PEAK1: variants seen among roughly 807,000 people sequenced by gnomAD.
PEAK1 encodes the protein pseudopodium enriched atypical kinase 1, also known as inactive tyrosine-protein kinase PEAK1.
A neutral mutation model predicts 124.7 loss-of-function variants in PEAK1; 54 were observed. The ratio of observed to expected loss-of-function variants is 0.43; its 90% CI spans 0.35 to 0.54. The LOEUF is 0.54. Among genes scored for constraint, PEAK1 ranks in the 20% least tolerant of loss-of-function variants. The pLI is 0.01. For synonymous variants in PEAK1, 719 were observed against 760.0 expected, an observed-to-expected ratio of 0.95 and a Z score of 0.89; for missense variants, 2,046 against 2,134.5, an observed-to-expected ratio of 0.96 and a Z score of 0.82.
chr15:77,271,943 G>A (rs1420599057), intron 5 of PEAK1, among the ~76,000 whole-genome samples: 2 of 151,794 alleles, frequency 1.3e-5, no homozygotes, highest in East Asian at 3.9e-4. Flanking sequence ...TAAAAAAAAA[G>A]GAAATCAACT....
At position 77,203,050 on chromosome 15, in the gene PEAK1, A is replaced by G. The variant is rs189565543; in HGVS notation, c.-114-21010T>C. ...AGACCCTGTCTCAGAAAAAAAAAAA[A>G]AAAAGAAAAACATAAAAGAAAATGT... On this transcript the variant is annotated intron_variant, in intron 6 of 9. Coordinates refer to ENST00000682557, the MANE Select transcript of PEAK1 (RefSeq NM_001385026.1). Among the ~76,000 whole-genome samples the G allele has an allele frequency of 6.6e-3, 997 of 152,080 alleles. 10 individuals carry two copies. Among genetic ancestry groups the G allele is most frequent in the African/African-American group, 0.023 (957 of 41,494 alleles).
At chr15:77,268,410 G>T (rs1026227451) in intron 5 of PEAK1, among the ~76,000 whole-genome samples, 2 of 151,674 alleles carry the variant, frequency 1.3e-5, no homozygotes, top group Non-Finnish European at 2.9e-5. Context: ...GGAGGCAGAG[G>T]ACGCAGTGAG....
chr15:77,275,868 G>A (rs1312955318), intron 5 of PEAK1, among the ~76,000 whole-genome samples: 3 of 151,686 alleles, frequency 2.0e-5, no homozygotes, highest in African/African-American at 7.3e-5. Context: ...GGAAACAAAT[G>A]AAAAAAACAG....
chr15:77,364,677 C>A (rs2068105386), intron 2 of PEAK1, among the ~76,000 whole-genome samples: 1 of 152,160 alleles, frequency 6.6e-6, no homozygotes, highest in African/African-American at 2.4e-5. Flanking sequence ...AAAAGGGAAG[C>A]TTTCTATAGA....
intron 6 of PEAK1, among the ~76,000 whole-genome samples, chr15:77,197,128 C>T (rs1022945263): frequency 5.9e-5 from 9 of 151,882 alleles, no homozygotes; most frequent in African/African-American, 2.2e-4. Context: ...GCCGGGATTA[C>T]AGGCATGAGC....
At chr15:77,258,110 A>G (rs1450369188) in intron 5 of PEAK1, among the ~76,000 whole-genome samples, 1 of 152,200 alleles carries the variant, frequency 6.6e-6, no homozygotes, top group South Asian at 2.1e-4. Flanking sequence ...TAACAGTACC[A>G]TGCTGTTTTG....
chr15:77,352,547 T>C (rs2067270384), intron 2 of PEAK1: 1 of 962,906 alleles, frequency 1.0e-6, no homozygotes, highest in Non-Finnish European at 1.2e-6. Flanking sequence ...TTAAAATATA[T>C]ATACTTTAGA....
chr15:77,341,653 T>C (rs2066543653), intron 2 of PEAK1, among the ~76,000 whole-genome samples: 2 of 152,176 alleles, frequency 1.3e-5, no homozygotes, highest in South Asian at 4.1e-4. Flanking sequence ...GTCCCAACCT[T>C]CTAATCACAT....
At chr15:77,312,009 T>C (rs909895942) in intron 2 of PEAK1, among the ~76,000 whole-genome samples, 2 of 151,776 alleles carry the variant, frequency 1.3e-5, no homozygotes, top group Admixed American at 6.6e-5. Flanking sequence ...GTATGAAGAG[T>C]TGTATGAATC....
intron 1 of PEAK1, chr15:77,419,296 G>T: frequency 1.0e-6 from 1 of 985,416 alleles, no homozygotes; most frequent in Non-Finnish European, 1.2e-6. Context: ...GATGGTGCAT[G>T]CGACGAGAGG....
chr15:77,185,635 T>C (rs2057507127), intron 6 of PEAK1, among the ~76,000 whole-genome samples: 1 of 152,006 alleles, frequency 6.6e-6, no homozygotes, highest in African/African-American at 2.4e-5. Context: ...CTGCAGTGAG[T>C]TGAAGAGTGA....
chr15:77,262,642 A>T (rs1296394676), intron 5 of PEAK1, among the ~76,000 whole-genome samples: 1 of 150,984 alleles, frequency 6.6e-6, no homozygotes, highest in Non-Finnish European at 1.5e-5. Flanking sequence ...AGACTCCCAC[A>T]CAATAATAAT....
intron 6 of PEAK1, among the ~76,000 whole-genome samples, chr15:77,231,284 T>C (rs969834080): frequency 1.4e-4 from 21 of 152,320 alleles, no homozygotes; most frequent in African/African-American, 4.8e-4. Flanking sequence ...CTCCACTAAT[T>C]TCATGATGTT....
chr15:77,384,525 T>C (rs1160006022), intron 1 of PEAK1, among the ~76,000 whole-genome samples: 1 of 152,220 alleles, frequency 6.6e-6, no homozygotes, highest in Non-Finnish European at 1.5e-5. Flanking sequence ...AAATTAATAA[T>C]ACATTATGCA....
At chr15:77,228,682 T>C (rs2059781863) in intron 6 of PEAK1, among the ~76,000 whole-genome samples, 1 of 152,152 alleles carries the variant, frequency 6.6e-6, no homozygotes, top group Non-Finnish European at 1.5e-5. Flanking sequence ...GTCTTTTTGG[T>C]GCTTTCCCCA....
chr15:77,297,720 C>T (rs376415560), intron 2 of PEAK1, among the ~76,000 whole-genome samples: 34 of 136,780 alleles, frequency 2.5e-4, no homozygotes, highest in Non-Finnish European at 4.7e-4. Flanking sequence ...GATGGCGCCA[C>T]TGCACTTCAG....
At chr15:77,261,739 G>C (rs1001531286) in intron 5 of PEAK1, among the ~76,000 whole-genome samples, 85 of 152,244 alleles carry the variant, frequency 5.6e-4, no homozygotes, top group African/African-American at 2.0e-3. Flanking sequence ...CCAACATTCA[G>C]ATTCGGGAAA....
Position 77,240,093 on chromosome 15 carries a change from A to G in PEAK1, c.-115+12274T>C, listed in dbSNP as rs74027550. Among the ~76,000 whole-genome samples, 520 of 152,334 alleles carry G rather than the reference A, an allele frequency of 3.4e-3. 3 individuals carry two copies. Among genetic ancestry groups the G allele is most frequent in the African/African-American group, 0.012 (493 of 41,570 alleles). Reference sequence around the variant, plus strand: ...ACCAGCTGGAGACAGCTCCATTTTCAGGAATGCTTAGATACTAGCAAAACA... The same window carrying G: ...ACCAGCTGGAGACAGCTCCATTTTCGGGAATGCTTAGATACTAGCAAAACA... On this transcript the variant is annotated intron_variant, in intron 6 of 9. Transcript: ENST00000682557.
intron 5 of PEAK1, among the ~76,000 whole-genome samples, chr15:77,253,180 T>C (rs1486980059): frequency 1.4e-5 from 2 of 144,932 alleles, no homozygotes; most frequent in African/African-American, 5.0e-5. Context: ...AGGATGTATA[T>C]AGATTATATG....
Sources: gnomAD v4.1 joint callset for allele counts (sites outside exome capture counted in the v4.1 genomes callset) on GRCh38, gnomAD v4.1.1 for gene constraint, MANE v1.5 for transcripts, NCBI Gene and HGNC (gene_info 2026-07-23, HGNC 2026-07-21) for gene names.